The following SLC27A6 variants were observed in gnomAD, a reference collection of about 807,000 sequenced individuals.
The protein encoded by SLC27A6 is long-chain fatty acid transport protein 6.
In SLC27A6, 74 loss-of-function variants were observed where a neutral mutation model predicts 63.9. That is an observed-to-expected ratio of 1.16 (90% CI 0.96 to 1.40). SLC27A6 has a LOEUF of 1.40. Among genes scored for constraint, SLC27A6 ranks in the 40% most tolerant of loss-of-function variants. The pLI is 0.00. For synonymous variants in SLC27A6, 287 were observed against 260.8 expected (o/e 1.10, Z -0.97); for missense variants, 794 against 732.9 (o/e 1.08, Z -0.96).
At chr5:128,995,305 A>G (rs1381273249) in intron 4 of SLC27A6, among the ~76,000 whole-genome samples, 2 of 152,198 alleles carry the variant, frequency 1.3e-5, no homozygotes, top group Non-Finnish European at 2.9e-5. Flanking sequence ...TAGACCATAT[A>G]TGTAACATAT....
intron 2 of SLC27A6, among the ~76,000 whole-genome samples, chr5:128,987,706 A>G (rs756414730): frequency 1.4e-4 from 21 of 152,132 alleles, no homozygotes; most frequent in Non-Finnish European, 2.6e-4. Context: ...GGAAAACAGG[A>G]TAGGCAACAT....
chr5:128,990,377 C>G lies in SLC27A6; in HGVS notation c.882C>G (p.Ser294Arg), dbSNP rs1314626024. The G allele has an allele frequency of 6.2e-7, 1 of 1,613,664 alleles. No individual in the cohort carries two copies. Among genetic ancestry groups the G allele is most frequent in the African/African-American group, 1.3e-5 (1 of 74,898 alleles). The part of the protein sequence containing the change: ...TCVLKKKFSA[S>R]QFWSDCKKYD... ...TGTTAAAGAAGAAATTTTCAGCAAG[C>G]CAGTTTTGGAGTGACTGCAAGAAGT... The change falls in exon 4 of 10, where the codon AGC becomes AGG. Residue 294 changes from serine (S) to arginine (R), a missense_variant. Ser to Arg is a moderately radical substitution (Grantham distance 110). Coordinates refer to ENST00000262462, the MANE Select transcript of SLC27A6 (RefSeq NM_001017372.3).
chr5:128,990,549 A>G, intron 4 of SLC27A6, 85 bp downstream of exon 4: 1 of 1,343,144 alleles, frequency 7.4e-7, no homozygotes, highest in Non-Finnish European at 1.0e-6. Context: ...CTTTGTTTAT[A>G]CTCTACCTTT....
intron 4 of SLC27A6, among the ~76,000 whole-genome samples, chr5:129,009,918 C>T (rs538960618): frequency 6.6e-6 from 1 of 152,268 alleles, no homozygotes; most frequent in African/African-American, 2.4e-5. Flanking sequence ...CTCAGGCAAT[C>T]CACCCGCCTC....
At chr5:129,022,213 C>T (rs767916749) in intron 5 of SLC27A6, among the ~76,000 whole-genome samples, 1 of 152,104 alleles carries the variant, frequency 6.6e-6, no homozygotes, top group Non-Finnish European at 1.5e-5. Flanking sequence ...TGCTTTGCTG[C>T]CTCTTTCATT....
chr5:129,008,309 A>G (rs1455492900), intron 4 of SLC27A6, among the ~76,000 whole-genome samples: 1 of 152,218 alleles, frequency 6.6e-6, no homozygotes, highest in Non-Finnish European at 1.5e-5. Context: ...TCTTGATCCT[A>G]GTTTAGAAAA....
intron 1 of SLC27A6, among the ~76,000 whole-genome samples, chr5:128,980,403 GA>G (rs2150131650): frequency 6.6e-6 from 1 of 152,336 alleles, no homozygotes; most frequent in South Asian, 2.1e-4. Context: ...GCAAGTGTCA[GA>G]AGCAGTGTTT....
rs1260929843 is a variant in SLC27A6 at position 128,965,562 on chromosome 5, TA to T, written c.-573del. On this transcript the variant is annotated 5_prime_UTR_variant, in exon 1 of 10. Coordinates refer to ENST00000262462, the MANE Select transcript of SLC27A6 (RefSeq NM_001017372.3). The stretch of plus-strand genomic sequence containing the variant: ...CGCGGTTTCTGGTGCGTAGAGACTG[TA>T]AATCGCTGCGCTTCTCAGTCATCAT... 2 of 152,270 alleles carry T rather than the reference TA, an allele frequency of 1.3e-5. No individual in the cohort carries two copies. Among genetic ancestry groups the T allele is most frequent in the Non-Finnish European group, 1.5e-5 (1 of 68,134 alleles). 9.4% of individuals were successfully genotyped at this position (152,270 alleles called of 1,614,324 possible).
At chr5:128,993,025 C>T (rs1338627742) in intron 4 of SLC27A6, among the ~76,000 whole-genome samples, 1 of 152,144 alleles carries the variant, frequency 6.6e-6, no homozygotes, top group East Asian at 1.9e-4. Context: ...TATCTTCATG[C>T]AATTGAGCTA....
At chr5:128,998,576 C>G (rs1011071256) in intron 4 of SLC27A6, among the ~76,000 whole-genome samples, 2 of 151,526 alleles carry the variant, frequency 1.3e-5, no homozygotes, top group African/African-American at 2.4e-5. Context: ...AATAAAAAAC[C>G]AGAAACCCTA....
chr5:128,968,712 T>C (rs1018413762), intron 1 of SLC27A6, among the ~76,000 whole-genome samples: 8 of 152,144 alleles, frequency 5.3e-5, no homozygotes, highest in Non-Finnish European at 2.9e-5. Context: ...ATTCTATAGG[T>C]TGCCTGTTCA....
chr5:128,985,258 G>A lies in SLC27A6; in HGVS notation c.607G>A (p.Glu203Lys). 6.2e-7 allele frequency: 1 copy of A among 1,614,080 alleles called. No individual in the cohort carries two copies. Among genetic ancestry groups the A allele is most frequent in the East Asian group, 2.2e-5 (1 of 44,868 alleles). ...LKEKLSTSPD[E>K]PVPRSHHVVS... is the part of the protein sequence containing the mutation. ...AGAAAAACTGAGCACCTCACCTGAT[G>A]AGCCCGTGCCACGCAGCCACCATGT... The change falls in exon 2 of 10, where the codon GAG becomes AAG. Residue 203 changes from glutamate (E) to lysine (K), a missense_variant. Transcript: ENST00000262462.
chr5:129,010,613 A>G (rs1274166617), intron 4 of SLC27A6, among the ~76,000 whole-genome samples: 5 of 152,164 alleles, frequency 3.3e-5, no homozygotes, highest in Non-Finnish European at 5.9e-5. Flanking sequence ...AGAACTGGAG[A>G]GAGGCCTCTA....
chr5:129,006,471 G>GTGTGTGTGTC, intron 4 of SLC27A6, among the ~76,000 whole-genome samples: 1 of 151,498 alleles, frequency 6.6e-6, no homozygotes, highest in African/African-American at 2.4e-5. Flanking sequence ...GTGTGTGTGT[G>GTGTGTGTGTC]TGTGTGTGTG....
intron 1 of SLC27A6, among the ~76,000 whole-genome samples, chr5:128,977,736 A>G (rs1750438209): frequency 6.6e-6 from 1 of 152,216 alleles, no homozygotes; most frequent in Non-Finnish European, 1.5e-5. Context: ...ATCACCAAAA[A>G]TAATGTATAA....
chr5:128,966,249 G>C lies in SLC27A6; in HGVS notation c.112G>C (p.Val38Leu). The change falls in exon 1 of 10, where the codon GTG (valine) becomes CTG (leucine). Residue 38 changes from valine to leucine, a missense_variant. By Grantham distance (32) the Val-to-Leu change is conservative. Coordinates refer to ENST00000262462, the MANE Select transcript of SLC27A6 (RefSeq NM_001017372.3). ...WDDFWFVLKV[V>L]LIIIRLKKYE... ...TGACTTCTGGTTCGTGTTGAAGGTGGTGCTCATTATAATTCGGCTGAAGAA... is the reference window on the plus strand; with the variant it reads ...TGACTTCTGGTTCGTGTTGAAGGTGCTGCTCATTATAATTCGGCTGAAGAA... 6.2e-7 allele frequency: 1 copy of C among 1,613,790 alleles called. No homozygotes were observed. Among genetic ancestry groups the C allele is most frequent in the Non-Finnish European group, 8.5e-7 (1 of 1,179,816 alleles).
rs765930137 is a variant in SLC27A6, at chr5:129,028,436, A to G, written c.1546A>G (p.Ile516Val). ...GGAAGCAAACGTCTATGGTGTGGCTATATCAGGTATAAATATATTTCAGAT... is the reference window on the plus strand; with the variant it reads ...GGAAGCAAACGTCTATGGTGTGGCTGTATCAGGTATAAATATATTTCAGAT... ...IQEANVYGVAISGYEGRAGMA... is the reference protein window; with the variant it reads ...IQEANVYGVAVSGYEGRAGMA... Residue 516 changes from isoleucine to valine, a missense_variant, in exon 8 of 10, where the codon ATA (isoleucine) becomes GTA (valine). Physicochemically the swap from Ile to Val is conservative, Grantham distance 29. Coordinates refer to ENST00000262462, the MANE Select transcript of SLC27A6 (RefSeq NM_001017372.3). The G allele has an allele frequency of 8.5e-5, 134 of 1,571,840 alleles. No homozygotes were observed. In the Admixed American group the frequency reaches 1.9e-3, roughly 22 times the overall value.
At chr5:128,972,943 G>C (rs1750236534) in intron 1 of SLC27A6, among the ~76,000 whole-genome samples, 2 of 152,120 alleles carry the variant, frequency 1.3e-5, no homozygotes. Context: ...CCTACAGATG[G>C]CGTTTTCATG....
chr5:128,978,011 C>T (rs1437835392), intron 1 of SLC27A6, among the ~76,000 whole-genome samples: 1 of 152,076 alleles, frequency 6.6e-6, no homozygotes, highest in Non-Finnish European at 1.5e-5. Context: ...TAATCTCAAA[C>T]ACTTTAATTT....
Sources: allele counts gnomAD v4.1 joint callset (sites outside exome capture counted in the v4.1 genomes callset), GRCh38; gene constraint gnomAD v4.1.1; transcripts MANE v1.5; gene names NCBI Gene and HGNC (gene_info 2026-07-23, HGNC 2026-07-21).